Variants in SOX5 observed in about 807,000 individuals in gnomAD.
The protein encoded by SOX5 is transcription factor SOX-5.
SOX5 carries 9 observed loss-of-function variants against 92.0 expected under a neutral mutation model. The ratio of observed to expected loss-of-function variants is 0.10; its 90% CI spans 0.06 to 0.17. The LOEUF is 0.17. SOX5 is among the 10% of genes least tolerant of loss of function. SOX5 has a pLI of 1.00. For synonymous variants in SOX5, 344 were observed against 336.3 expected (o/e 1.02, Z -0.25); for missense variants, 642 against 944.5 (o/e 0.68, Z 4.20).
chr12:23,799,063 C>T (rs1567854656), intron 3 of SOX5, among the ~76,000 whole-genome samples: 1 of 151,934 alleles, frequency 6.6e-6, no homozygotes, highest in Non-Finnish European at 1.5e-5. Flanking sequence ...ACAAAAGGTC[C>T]TATCTCTTTA....
chr12:24,101,126 T>C (rs1329926864), intron 4 of SOX5, among the ~76,000 whole-genome samples: 1 of 152,128 alleles, frequency 6.6e-6, no homozygotes, highest in Non-Finnish European at 1.5e-5. Flanking sequence ...AATCCTTCAA[T>C]AATGTCTACT....
chr12:24,520,066 A>G lies in SOX5; in HGVS notation c.-251+42263T>C, dbSNP rs145594007. Among the ~76,000 whole-genome samples the G allele has an allele frequency of 8.4e-3, 1,280 of 152,112 alleles. 68 individuals are homozygous for G. Among genetic ancestry groups the G allele is most frequent in the Admixed American group, 0.077 (1,172 of 15,278 alleles). ...AAAAAAAAAAACCTGCCAATCAAGAACAATATACCAGGCAAAGGTATTCTT... is the reference window on the plus strand; with the variant it reads ...AAAAAAAAAAACCTGCCAATCAAGAGCAATATACCAGGCAAAGGTATTCTT... On this transcript the variant is annotated intron_variant, in intron 1 of 4. Transcript: ENST00000446891.
intron 3 of SOX5, among the ~76,000 whole-genome samples, chr12:23,808,983 T>C (rs966709712): frequency 2.0e-5 from 3 of 152,148 alleles, no homozygotes; most frequent in South Asian, 2.1e-4. Context: ...AATTTGCATA[T>C]ACACATCATA....
intron 1 of SOX5, among the ~76,000 whole-genome samples, chr12:24,419,186 T>C (rs1007662170): frequency 1.3e-5 from 2 of 152,120 alleles, no homozygotes; most frequent in Non-Finnish European, 2.9e-5. Flanking sequence ...TGAAGTACAG[T>C]GGCACCATCT....
chr12:23,680,717 T>G (rs1223514783), intron 6 of SOX5, among the ~76,000 whole-genome samples: 2 of 152,002 alleles, frequency 1.3e-5, no homozygotes, highest in East Asian at 1.9e-4. Context: ...GTTATAAAAC[T>G]AAAGACTATG....
intron 4 of SOX5, among the ~76,000 whole-genome samples, chr12:24,077,529 C>T (rs972348069): frequency 1.3e-5 from 2 of 151,708 alleles, no homozygotes; most frequent in Non-Finnish European, 2.9e-5. Context: ...TTGCTTAAAA[C>T]GATCAAACCC....
chr12:23,763,372 T>C (rs2094616346), intron 3 of SOX5, among the ~76,000 whole-genome samples: 1 of 152,088 alleles, frequency 6.6e-6, no homozygotes, highest in African/African-American at 2.4e-5. Flanking sequence ...AAAAATCAAG[T>C]AAAATATGCT....
At chr12:24,315,559 T>C (rs486149) in intron 2 of SOX5, among the ~76,000 whole-genome samples, 1 of 151,934 alleles carries the variant, frequency 6.6e-6, no homozygotes, top group African/African-American at 2.4e-5. Flanking sequence ...TTCTTCAAAG[T>C]TTCAAATTAA....
intron 4 of SOX5, among the ~76,000 whole-genome samples, chr12:24,035,863 T>C (rs1393055302): frequency 1.3e-5 from 2 of 152,100 alleles, no homozygotes; most frequent in Non-Finnish European, 2.9e-5. Flanking sequence ...TACCCTGAGC[T>C]GGCCAGGGTA....
intron 4 of SOX5, among the ~76,000 whole-genome samples, chr12:24,000,075 C>T (rs527724070): frequency 1.7e-4 from 26 of 151,306 alleles, no homozygotes; most frequent in Non-Finnish European, 3.2e-4. Context: ...ATGTCTTATA[C>T]ATGCATGTTG....
At chr12:23,610,353 C>T (rs1373661533) in intron 8 of SOX5, among the ~76,000 whole-genome samples, 1 of 152,120 alleles carries the variant, frequency 6.6e-6, no homozygotes, top group Admixed American at 6.6e-5. Flanking sequence ...GTCTAACCGC[C>T]ATCTGGAGTA....
intron 2 of SOX5, among the ~76,000 whole-genome samples, chr12:24,308,649 G>C (rs993523188): frequency 2.0e-5 from 3 of 152,126 alleles, no homozygotes; most frequent in Admixed American, 6.5e-5. Context: ...CACATTACCT[G>C]GCACTCAGAA....
intron 4 of SOX5, among the ~76,000 whole-genome samples, chr12:24,155,431 T>C (rs1056508051): frequency 6.6e-6 from 1 of 152,160 alleles, no homozygotes; most frequent in Non-Finnish European, 1.5e-5. Flanking sequence ...ATTGTTTCCA[T>C]AATTTTGCTG....
At chr12:23,837,248 T>C (rs1362984048) in intron 3 of SOX5, among the ~76,000 whole-genome samples, 4 of 76,400 alleles carry the variant, frequency 5.2e-5, no homozygotes, top group African/African-American at 1.4e-4. Flanking sequence ...ATATAATATA[T>C]ATTTATATTT....
At chr12:23,710,425 G>A (rs898861539) in intron 6 of SOX5, among the ~76,000 whole-genome samples, 1 of 151,998 alleles carries the variant, frequency 6.6e-6, no homozygotes, top group Non-Finnish European at 1.5e-5. Flanking sequence ...GGTGTGTGAT[G>A]TTCCCCTTCC....
chr12:23,690,802 A>G (rs2088633763), intron 6 of SOX5, among the ~76,000 whole-genome samples: 1 of 152,084 alleles, frequency 6.6e-6, no homozygotes, highest in African/African-American at 2.4e-5. Flanking sequence ...CAGGATCTCA[A>G]TGGCTTTCTC....
chr12:24,056,322 G>C (rs1189233505), intron 4 of SOX5, among the ~76,000 whole-genome samples: 14 of 152,120 alleles, frequency 9.2e-5, no homozygotes, highest in Non-Finnish European at 2.1e-4. Context: ...GACATGAAAT[G>C]CTAACTCCTG....
chr12:24,451,597 T>C (rs1046707258), intron 1 of SOX5, among the ~76,000 whole-genome samples: 3 of 152,212 alleles, frequency 2.0e-5, no homozygotes, highest in Non-Finnish European at 4.4e-5. Context: ...AATGAATATC[T>C]AATATTAACT....
chr12:23,879,153 A>G (rs1201860320), intron 2 of SOX5, among the ~76,000 whole-genome samples: 1 of 152,178 alleles, frequency 6.6e-6, no homozygotes, highest in East Asian at 1.9e-4. Flanking sequence ...TAGGAATTTG[A>G]AATGAGGAAT....
Sources: gnomAD v4.1 joint callset for allele counts (sites outside exome capture counted in the v4.1 genomes callset) on GRCh38, gnomAD v4.1.1 for gene constraint, MANE v1.5 for transcripts, NCBI Gene and HGNC (gene_info 2026-07-23, HGNC 2026-07-21) for gene names.